DLG2: variants seen among roughly 807,000 people sequenced by gnomAD.
DLG2 encodes discs large MAGUK scaffold protein 2.
A neutral mutation model predicts 132.5 loss-of-function variants in DLG2; 45 were observed. The ratio of observed to expected loss-of-function variants is 0.34; its 90% CI spans 0.27 to 0.44. The LOEUF (loss-of-function observed/expected upper bound fraction) is 0.44, where lower values mean the gene tolerates loss of function less well. Among genes scored for constraint, DLG2 ranks in the 20% least tolerant of loss-of-function variants. DLG2 has a pLI of 1.00. For missense variants in DLG2, 1,045 were observed against 1,196.9 expected (o/e 0.87, Z 1.87); for synonymous variants, 424 against 419.6 (o/e 1.01, Z -0.13).
At chr11:85,098,201 G>A (rs1345853803) in intron 6 of DLG2, among the ~76,000 whole-genome samples, 1 of 152,080 alleles carries the variant, frequency 6.6e-6, no homozygotes, top group East Asian at 1.9e-4. Context: ...ATTTTAACCC[G>A]GTACTGAGTG....
At chr11:84,196,172 T>C (rs1386472443) in intron 8 of DLG2, among the ~76,000 whole-genome samples, 3 of 152,236 alleles carry the variant, frequency 2.0e-5, no homozygotes, top group Non-Finnish European at 2.9e-5. Flanking sequence ...TTTTTATAAT[T>C]TTTAACCCAG....
chr11:85,224,225 T>A (rs1412039941), intron 4 of DLG2, among the ~76,000 whole-genome samples: 4 of 152,152 alleles, frequency 2.6e-5, no homozygotes, highest in Admixed American at 1.3e-4. Flanking sequence ...TTGAAGGACA[T>A]AATAATTGAC....
In DLG2 at chr11:85,497,264, G is replaced by A. The variant is rs541483762; in HGVS notation, c.40+101393C>T. ...CTGATGGAGCTGAAAACCACAGTAC[G>A]AGAATTTAGTGAAGCATACACAAAC... On this transcript the variant is annotated intron_variant, in intron 3 of 27. Coordinates refer to ENST00000376104, the MANE Select transcript of DLG2 (RefSeq NM_001142699.3). Among the ~76,000 whole-genome samples the A allele has an allele frequency of 9.2e-5, 14 of 151,770 alleles. No homozygotes were observed. The South Asian group carries it at 1.9e-3, about 20-fold the overall frequency.
At chr11:84,282,585 G>T (rs1599017301) in intron 7 of DLG2, among the ~76,000 whole-genome samples, 1 of 152,110 alleles carries the variant, frequency 6.6e-6, no homozygotes, top group South Asian at 2.1e-4. Context: ...CTTATCATAA[G>T]TGATAAGCAC....
At chr11:85,422,972 AT>A (rs34406437) in intron 3 of DLG2, among the ~76,000 whole-genome samples, 12 of 151,380 alleles carry the variant, frequency 7.9e-5, no homozygotes, top group African/African-American at 2.9e-4. Flanking sequence ...GTTTGGGTCC[AT>A]TTTTTTTGAG....
intron 3 of DLG2, among the ~76,000 whole-genome samples, chr11:85,396,002 A>ACCT (rs922341222): frequency 6.6e-6 from 1 of 151,850 alleles, no homozygotes; most frequent in African/African-American, 2.4e-5. Flanking sequence ...ACTGGGAAAC[A>ACCT]CCTCCCAGTA....
At chr11:83,575,766 TGAA>T (rs112718559) in intron 19 of DLG2, among the ~76,000 whole-genome samples, 1,753 of 152,178 alleles carry the variant, frequency 0.012, 28 homozygotes, top group African/African-American at 0.04. Flanking sequence ...AAGCAAAACT[TGAA>T]GAGATCAGCA....
chr11:84,631,022 A>T (rs71469651), intron 6 of DLG2, among the ~76,000 whole-genome samples: 13,758 of 67,386 alleles, frequency 0.2, 533 homozygotes, highest in African/African-American at 0.26. Context: ...TCTCTCTCAC[A>T]CACACACACA....
At chr11:84,409,860 G>C (rs1311842975) in intron 7 of DLG2, among the ~76,000 whole-genome samples, 4 of 151,988 alleles carry the variant, frequency 2.6e-5, no homozygotes, top group Admixed American at 1.3e-4. Context: ...TCCCTTCACC[G>C]GGAAGGCCAG....
chr11:84,749,641 C>A (rs748203553), intron 6 of DLG2, among the ~76,000 whole-genome samples: 1 of 152,094 alleles, frequency 6.6e-6, no homozygotes, highest in Non-Finnish European at 1.5e-5. Flanking sequence ...ATTTGCACAA[C>A]AGTGAAATTG....
intron 17 of DLG2, among the ~76,000 whole-genome samples, chr11:83,798,385 C>A (rs950330896): frequency 1.3e-5 from 2 of 152,158 alleles, no homozygotes; most frequent in African/African-American, 4.8e-5. Flanking sequence ...TAGGTACTTA[C>A]TAAATAGTTG....
At chr11:83,882,517 T>C (rs2066567846) in intron 15 of DLG2, among the ~76,000 whole-genome samples, 2 of 152,206 alleles carry the variant, frequency 1.3e-5, no homozygotes, top group Non-Finnish European at 2.9e-5. Context: ...TTTTACTTTA[T>C]ATTAAATGGC....
chr11:85,497,615 A>T (rs190051796), intron 3 of DLG2, among the ~76,000 whole-genome samples: 1 of 152,292 alleles, frequency 6.6e-6, no homozygotes, highest in Admixed American at 6.5e-5. Flanking sequence ...CAACACCAAG[A>T]CACAAAATTG....
At chr11:83,786,454 A>C in intron 18 of DLG2, 1 of 465,328 alleles carries the variant, frequency 2.1e-6, no homozygotes, top group Non-Finnish European at 3.9e-6. Flanking sequence ...GCTGGTTGCT[A>C]TTTATTTGAA....
intron 6 of DLG2, among the ~76,000 whole-genome samples, chr11:84,714,611 T>G (rs758264962): frequency 5.3e-5 from 5 of 93,508 alleles, no homozygotes; most frequent in African/African-American, 2.3e-4. Flanking sequence ...CTCTTTCTCT[T>G]TCTCTTTCTC....
chr11:84,199,873 AAT>A (rs1192348655), intron 8 of DLG2, among the ~76,000 whole-genome samples: 1 of 152,112 alleles, frequency 6.6e-6, no homozygotes, highest in Admixed American at 6.5e-5. Context: ...GAAAGACAAA[AAT>A]ATGTGAGAAA....
At chr11:83,609,741 A>G (rs1014116328) in intron 19 of DLG2, among the ~76,000 whole-genome samples, 1 of 152,142 alleles carries the variant, frequency 6.6e-6, no homozygotes, top group African/African-American at 2.4e-5. Flanking sequence ...TCTATTTCCA[A>G]GCAAAAAAAA....
chr11:84,330,845 T>C (rs1285508141), intron 7 of DLG2, among the ~76,000 whole-genome samples: 1 of 152,230 alleles, frequency 6.6e-6, no homozygotes, highest in African/African-American at 2.4e-5. Flanking sequence ...TATGAATATA[T>C]GACATCTTGT....
intron 6 of DLG2, among the ~76,000 whole-genome samples, chr11:85,000,855 A>C (rs2058143738): frequency 6.6e-6 from 1 of 152,130 alleles, no homozygotes; most frequent in Admixed American, 6.6e-5. Flanking sequence ...ATCTCATCTG[A>C]GAACACAGCC....
Sources: gnomAD v4.1 joint callset for allele counts (sites outside exome capture counted in the v4.1 genomes callset) on GRCh38, gnomAD v4.1.1 for gene constraint, MANE v1.5 for transcripts, NCBI Gene and HGNC (gene_info 2026-07-23, HGNC 2026-07-21) for gene names.